The following MEF2B variants were observed in gnomAD, a reference collection of about 807,000 sequenced individuals.
The protein encoded by MEF2B is myocyte-specific enhancer factor 2B.
Under a neutral mutation model 32.2 loss-of-function variants are expected in MEF2B, and 15 were observed. That is an observed-to-expected ratio of 0.47 (90% confidence interval 0.31 to 0.72). MEF2B has a LOEUF of 0.72. MEF2B is among the 30% of genes least tolerant of loss of function. The probability of loss-of-function intolerance (pLI) is 0.05; values close to 1 mark genes in which losing one functional copy is unlikely to be tolerated. For synonymous variants in MEF2B, 205 were observed against 225.6 expected, an observed-to-expected ratio of 0.91 and a Z score of 0.82; for missense variants, 441 against 511.5, an observed-to-expected ratio of 0.86 and a Z score of 1.33.
rs564068821 is a variant in MEF2B at position 19,147,604 on chromosome 19, C to T, written c.393+94G>A. On this transcript the variant is annotated intron_variant, in intron 4 of 8. Coordinates refer to ENST00000424583, the MANE Select transcript of MEF2B (RefSeq NM_001145785.2). ...GACCTGCCTCCAAACTCTAGGATCC[C>T]TGGCTCTAAGCCCCTCTCTCAGTAC... 17 of 1,548,952 alleles carry T rather than the reference C, an allele frequency of 1.1e-5. No homozygotes were observed. In the East Asian group the frequency reaches 3.6e-4, roughly 33 times the overall value.
chr19:19,155,518 A>T (rs116152605), intron 1 of MEF2B, among the ~76,000 whole-genome samples: 1,769 of 152,208 alleles, frequency 0.012, 42 homozygotes, highest in African/African-American at 0.04. Context: ...ATCAACAGAG[A>T]TGTCACTGAC....
intron 1 of MEF2B, among the ~76,000 whole-genome samples, chr19:19,155,651 G>A (rs889430824): frequency 6.6e-6 from 1 of 152,214 alleles, no homozygotes; most frequent in African/African-American, 2.4e-5. Context: ...CTCGGGCCCA[G>A]GTGTGAAGGG....
rs186507939 is a variant in MEF2B at position 19,161,458 on chromosome 19, C to T, written c.-30+8747G>A. Among the ~76,000 whole-genome samples the T allele has an allele frequency of 1.1e-4, 16 of 152,098 alleles. No homozygotes were observed. In the East Asian group the frequency reaches 1.2e-3, roughly 11 times the overall value. Reference sequence around the variant, plus strand: ...AAGTCCCCAAAATACATGCAGTTCACGATACGCCAAACCCCCCAACCCACA... The same window carrying T: ...AAGTCCCCAAAATACATGCAGTTCATGATACGCCAAACCCCCCAACCCACA... On this transcript the variant is annotated intron_variant, in intron 1 of 8. Coordinates refer to ENST00000424583, the MANE Select transcript of MEF2B (RefSeq NM_001145785.2).
chr19:19,165,566 G>A (rs1405567696), intron 1 of MEF2B, among the ~76,000 whole-genome samples: 3 of 152,158 alleles, frequency 2.0e-5, no homozygotes, highest in Admixed American at 1.3e-4. Flanking sequence ...GGGGTGGAGT[G>A]AGCCAGGAGT....
chr19:19,152,894 GC>G (rs2060094750), intron 1 of MEF2B, among the ~76,000 whole-genome samples: 1 of 152,308 alleles, frequency 6.6e-6, no homozygotes, highest in South Asian at 2.1e-4. Context: ...GGGTCTCTGA[GC>G]CCCCACAACT....
intron 1 of MEF2B, among the ~76,000 whole-genome samples, chr19:19,151,541 G>T (rs2060079754): frequency 6.6e-6 from 1 of 152,060 alleles, no homozygotes; most frequent in Non-Finnish European, 1.5e-5. Flanking sequence ...TGCAGCCGCC[G>T]CCCTCTGTAC....
chr19:19,161,769 C>T (rs910861047), intron 1 of MEF2B, among the ~76,000 whole-genome samples: 2 of 150,030 alleles, frequency 1.3e-5, no homozygotes, highest in Middle Eastern at 3.4e-3. Context: ...GCCCCCCCAT[C>T]CCTGCAGTGA....
At chr19:19,164,079 G>A (rs1599734795) in intron 1 of MEF2B, among the ~76,000 whole-genome samples, 1 of 152,242 alleles carries the variant, frequency 6.6e-6, no homozygotes, top group East Asian at 1.9e-4. Context: ...CGATTCTCCT[G>A]CCTCAGCCTC....
intron 1 of MEF2B, 130 bp from the exon 2 acceptor site, chr19:19,150,894 G>C (rs2060074902): frequency 8.5e-7 from 1 of 1,176,252 alleles, no homozygotes; most frequent in Non-Finnish European, 1.2e-6. Flanking sequence ...ATCAAGGCAG[G>C]CTGGGTCACT....
At chr19:19,168,877 C>T (rs1049578398) in intron 1 of MEF2B, among the ~76,000 whole-genome samples, 22 of 151,452 alleles carry the variant, frequency 1.5e-4, no homozygotes, top group Non-Finnish European at 2.2e-4. Flanking sequence ...GGTGAAACAA[C>T]GTCTCTACAA....
intron 1 of MEF2B, among the ~76,000 whole-genome samples, chr19:19,153,183 C>T (rs1044604411): frequency 8.5e-5 from 13 of 152,196 alleles, no homozygotes; most frequent in Non-Finnish European, 7.3e-5. Flanking sequence ...CCTGGAAGAC[C>T]TGACTCAAGC....
At chr19:19,146,060 C>A (rs555136573) in intron 8 of MEF2B, 38 bp from the exon 9 acceptor site, 1 of 1,393,600 alleles carries the variant, frequency 7.2e-7, no homozygotes, top group East Asian at 2.8e-5. Context: ...GTGAGCTCAG[C>A]GAGGAAGGGA....
intron 1 of MEF2B, 137 bp downstream of exon 1, chr19:19,170,068 C>T (rs1299630567): frequency 2.5e-6 from 1 of 397,232 alleles, no homozygotes; most frequent in Non-Finnish European, 4.4e-6. Context: ...GGACTCACCA[C>T]CCCACGACAC....
At chr19:19,159,783 C>A (rs181839744) in intron 1 of MEF2B, among the ~76,000 whole-genome samples, 207 of 152,214 alleles carry the variant, frequency 1.4e-3, no homozygotes, top group Non-Finnish European at 2.5e-3. Flanking sequence ...ATCTCCCCAG[C>A]CTGGCGAGGC....
chr19:19,166,489 C>T (rs1260288835), intron 1 of MEF2B, among the ~76,000 whole-genome samples: 1 of 151,846 alleles, frequency 6.6e-6, no homozygotes, highest in African/African-American at 2.4e-5. Flanking sequence ...TCTGGTTGGG[C>T]TCATGCCTGT....
chr19:19,161,782 C>T (rs989655004), intron 1 of MEF2B, among the ~76,000 whole-genome samples: 1 of 150,266 alleles, frequency 6.7e-6, no homozygotes, highest in African/African-American at 2.4e-5. Flanking sequence ...TGCAGTGATA[C>T]CACCCACACT....
chr19:19,155,694 G>A (rs2060115364), intron 1 of MEF2B, among the ~76,000 whole-genome samples: 1 of 152,256 alleles, frequency 6.6e-6, no homozygotes, highest in Admixed American at 6.5e-5. Context: ...GCAGGCCAGA[G>A]TGTGCATGTA....
rs564013096 is a variant in MEF2B, at chr19:19,145,605, A to T, written c.*192T>A. The T allele has an allele frequency of 4.1e-5, 54 of 1,332,238 alleles. No individual in the cohort carries two copies. The East Asian group carries it at 1.4e-3, about 33-fold the overall frequency. 82.5% of individuals were successfully genotyped at this position (1,332,238 alleles called of 1,614,324 possible). ...CGCCACGCGCGTTTTATTTGTGGATATACACACAAATAGGAAGAAGGAAAG... is the reference window on the plus strand; with the variant it reads ...CGCCACGCGCGTTTTATTTGTGGATTTACACACAAATAGGAAGAAGGAAAG... On this transcript the variant is annotated 3_prime_UTR_variant, in exon 9 of 9. Transcript: ENST00000424583. This position sits in a 1 kb window ranked among gnomAD's most constrained non-coding sequence, Gnocchi z 4.6.
intron 1 of MEF2B, among the ~76,000 whole-genome samples, chr19:19,168,683 T>C (rs1171619769): frequency 6.6e-6 from 1 of 151,878 alleles, no homozygotes; most frequent in Non-Finnish European, 1.5e-5. Flanking sequence ...AGACTCGAAC[T>C]CCTCGGATCA....
Sources: gnomAD v4.1 joint callset for allele counts (sites outside exome capture counted in the v4.1 genomes callset) on GRCh38, gnomAD v4.1.1 for gene constraint, Gnocchi (gnomAD v3.1) non-coding constraint, MANE v1.5 for transcripts, NCBI Gene and HGNC (gene_info 2026-07-23, HGNC 2026-07-21) for gene names.